KATNA1: variants seen among roughly 807,000 people sequenced by gnomAD.
KATNA1 encodes katanin catalytic subunit A1.
KATNA1 carries 42 observed loss-of-function variants against 62.6 expected under a neutral mutation model. The ratio of observed to expected loss-of-function variants is 0.67; its 90% CI spans 0.52 to 0.87. The LOEUF is 0.87. Among genes scored for constraint, KATNA1 ranks in the 40% least tolerant of loss-of-function variants. The pLI is 0.00. For missense variants in KATNA1, 498 were observed against 612.5 expected, an observed-to-expected ratio of 0.81 and a Z score of 1.97; for synonymous variants, 186 against 201.9, an observed-to-expected ratio of 0.92 and a Z score of 0.67.
chr6:149,630,421 G>T (rs1360825955), intron 3 of KATNA1, among the ~76,000 whole-genome samples: 2 of 152,204 alleles, frequency 1.3e-5, no homozygotes, highest in Non-Finnish European at 2.9e-5. Context: ...CTGAGGTCAG[G>T]AGTTCAAGAC....
intron 4 of KATNA1, among the ~76,000 whole-genome samples, chr6:149,615,633 C>A (rs1779141478): frequency 6.6e-6 from 1 of 151,894 alleles, no homozygotes; most frequent in Non-Finnish European, 1.5e-5. Flanking sequence ...GCAGAACGGA[C>A]AAAAAACTGA....
intron 3 of KATNA1, among the ~76,000 whole-genome samples, chr6:149,624,797 AG>A (rs1446371403): frequency 6.6e-6 from 1 of 151,716 alleles, no homozygotes. Context: ...CAAACAAAAA[AG>A]GAGTCCTATT....
intron 1 of KATNA1, among the ~76,000 whole-genome samples, chr6:149,639,132 T>C (rs1045712147): frequency 1.3e-5 from 2 of 152,026 alleles, no homozygotes; most frequent in African/African-American, 4.8e-5. Context: ...AAACCCTGTC[T>C]CTACTAAAAT....
At chr6:149,603,497 C>T in intron 5 of KATNA1, 124 bp from the exon 6 acceptor site, 1 of 538,326 alleles carries the variant, frequency 1.9e-6, no homozygotes, top group Non-Finnish European at 3.3e-6. Flanking sequence ...CTCTCTGAGC[C>T]CGGGTGAACT....
chr6:149,634,324 T>TAAAATAAAATAAAA (rs1779987555), intron 2 of KATNA1, among the ~76,000 whole-genome samples: 18 of 82,716 alleles, frequency 2.2e-4, no homozygotes, highest in Non-Finnish European at 9.5e-5. Context: ...ATAAAATAAA[T>TAAAATAAAATAAAA]TGCATAACAA....
chr6:149,604,929 C>G, intron 4 of KATNA1, 147 bp from the exon 5 acceptor site: 1 of 704,502 alleles, frequency 1.4e-6, no homozygotes, highest in South Asian at 1.8e-5. Flanking sequence ...AATCCCAGCA[C>G]TTTGGGAGGC....
Position 149,623,261 on chromosome 6 carries a change from G to A in KATNA1, c.343C>T (p.Arg115Cys), listed in dbSNP as rs202184229. Residue 115 changes from arginine (R) to cysteine (C), a missense_variant, in exon 4 of 11, where the codon CGC (arginine) becomes TGC (cysteine). Coordinates refer to ENST00000367411, the MANE Select transcript of KATNA1 (RefSeq NM_007044.4). ...GGGTCACTGTACTGAGAAGATTGGC[G>A]TTTTCTAGGTCCTGGTGAGGGTCTA... is the stretch of plus-strand genomic sequence containing the variant. ...ERRPSPGPRK[R>C]QSSQYSDPKS... 1.9e-5 allele frequency: 30 copies of A among 1,598,566 alleles called. No individual in the cohort carries two copies. The highest frequency in any genetic ancestry group is 1.5e-4 in the African/African-American group (11 of 74,048).
chr6:149,615,132 C>CAAA lies in KATNA1; in HGVS notation c.501+7968_501+7970dup, dbSNP rs893824279. ...TGGGTGACAGAGCAAGACTCTGTCT[C>CAAA]AAAAAAAAAAAAAAAAAAAAAAACA... On this transcript the variant is annotated intron_variant, in intron 4 of 10. Transcript: ENST00000367411. Among the ~76,000 whole-genome samples, 264 of 41,670 alleles carry CAAA rather than the reference C, an allele frequency of 6.3e-3. 2 individuals are homozygous for CAAA. The highest frequency in any genetic ancestry group is 0.011 in the African/African-American group (134 of 11,766). 27.3% of individuals were successfully genotyped at this position (41,670 alleles called of 152,430 possible).
At chr6:149,609,801 T>TAAAAAAAAAAAAA (rs1778876698) in intron 4 of KATNA1, among the ~76,000 whole-genome samples, 1 of 38,186 alleles carries the variant, frequency 2.6e-5, no homozygotes. Context: ...AGACTCCATC[T>TAAAAAAAAAAAAA]CAAAAAAAAA....
At chr6:149,639,034 T>G (rs9379314) in intron 1 of KATNA1, among the ~76,000 whole-genome samples, 2 of 151,426 alleles carry the variant, frequency 1.3e-5, no homozygotes, top group South Asian at 2.1e-4. Flanking sequence ...CCACCGCGCC[T>G]GGCCTCAAAG....
chr6:149,617,069 T>C (rs373194456), intron 4 of KATNA1, among the ~76,000 whole-genome samples: 2 of 152,356 alleles, frequency 1.3e-5, no homozygotes, highest in East Asian at 1.9e-4. Flanking sequence ...GGGAAAATAC[T>C]GTATGATTCC....
intron 4 of KATNA1, among the ~76,000 whole-genome samples, chr6:149,611,494 GA>G (rs1051871439): frequency 7.2e-6 from 1 of 138,276 alleles, no homozygotes; most frequent in Non-Finnish European, 1.6e-5. Flanking sequence ...AAAGAAAAAA[GA>G]AAAAAAAAGA....
In KATNA1 at chr6:149,623,309, T is replaced by G. The variant is rs762319926; in HGVS notation, c.321-26A>C. 1.9e-6 allele frequency: 3 copies of G among 1,540,980 alleles called. No homozygotes were observed. The South Asian group carries it at 3.7e-5, about 19-fold the overall frequency. ...CTAATCAAACAAAAACTCATTAATA[T>G]CATAATCAACTCCACATATGGATGA... is the stretch of plus-strand genomic sequence containing the variant. On this transcript the variant is annotated intron_variant, in intron 3 of 10. Transcript: ENST00000367411.
At chr6:149,642,115 A>G (rs537743526) in intron 1 of KATNA1, among the ~76,000 whole-genome samples, 5 of 152,210 alleles carry the variant, frequency 3.3e-5, no homozygotes, top group Admixed American at 3.3e-4. Flanking sequence ...GTTGGCCAGG[A>G]TGGTCTCAAT....
At chr6:149,632,122 G>C (rs957384610) in intron 3 of KATNA1, among the ~76,000 whole-genome samples, 1 of 152,038 alleles carries the variant, frequency 6.6e-6, no homozygotes, top group Non-Finnish European at 1.5e-5. Flanking sequence ...GGCTGGGCAC[G>C]GTGGCTCAGG....
chr6:149,601,967 T>C (rs1778562612), intron 6 of KATNA1, among the ~76,000 whole-genome samples: 1 of 152,224 alleles, frequency 6.6e-6, no homozygotes, highest in Non-Finnish European at 1.5e-5. Context: ...AACTCAAAGA[T>C]GAGAAAAAGT....
intron 4 of KATNA1, among the ~76,000 whole-genome samples, chr6:149,609,169 T>C (rs1335786720): frequency 6.6e-6 from 1 of 151,998 alleles, no homozygotes; most frequent in East Asian, 1.9e-4. Context: ...TGAAGAAAAA[T>C]AGCCTCAGAA....
chr6:149,628,264 ATTTTTTTTT>A (rs554916406), intron 3 of KATNA1, among the ~76,000 whole-genome samples: 1 of 129,582 alleles, frequency 7.7e-6, no homozygotes, highest in Non-Finnish European at 1.6e-5. Context: ...TGCCCGGCTA[ATTTTTTTTT>A]TTTTTTTTTG....
chr6:149,622,571 A>T (rs916662005), intron 4 of KATNA1, among the ~76,000 whole-genome samples: 23 of 152,296 alleles, frequency 1.5e-4, no homozygotes, highest in African/African-American at 5.3e-4. Context: ...GTCTGAAATT[A>T]TATCACAATA....
Sources: allele counts gnomAD v4.1 joint callset (sites outside exome capture counted in the v4.1 genomes callset), GRCh38; gene constraint gnomAD v4.1.1; transcripts MANE v1.5; gene names NCBI Gene and HGNC (gene_info 2026-07-23, HGNC 2026-07-21).